The following ARB2A variants were observed in gnomAD, a reference collection of about 807,000 sequenced individuals.
ARB2A encodes cotranscriptional regulator ARB2A.
chr5:94,098,320 CA>C, the ARB2A span, among the ~76,000 whole-genome samples: 1 of 152,108 alleles, frequency 6.6e-6, no homozygotes, highest in South Asian at 2.1e-4. Context: ...TATAAGTCAA[CA>C]CAATGAAAAT....
At chr5:93,866,026 CG>C in the ARB2A span, 1 of 984,468 alleles carries the variant, frequency 1.0e-6, no homozygotes, top group South Asian at 4.7e-5. Flanking sequence ...AGAGAAAAAA[CG>C]TTGCTAAATA....
chr5:93,685,584 A>C, the ARB2A span, among the ~76,000 whole-genome samples: 9 of 152,230 alleles, frequency 5.9e-5, 1 homozygote, highest in Non-Finnish European at 1.2e-4. Flanking sequence ...CTGATTCTCT[A>C]AGTGAGTGGT....
the ARB2A span, among the ~76,000 whole-genome samples, chr5:93,942,977 CTACA>C: frequency 6.6e-6 from 1 of 152,000 alleles, no homozygotes. Flanking sequence ...TTTTTAATAA[CTACA>C]TAGTCTTCCA....
At chr5:94,082,090 T>C in the ARB2A span, among the ~76,000 whole-genome samples, 4 of 152,168 alleles carry the variant, frequency 2.6e-5, no homozygotes, top group Non-Finnish European at 5.9e-5. Flanking sequence ...GAGCATTATA[T>C]AAAGATTTTG....
chr5:93,837,945 A>C, the ARB2A span, among the ~76,000 whole-genome samples: 2 of 151,978 alleles, frequency 1.3e-5, no homozygotes, highest in Non-Finnish European at 2.9e-5. Flanking sequence ...TATTTTTCCT[A>C]TTCTATAGAT....
the ARB2A span, among the ~76,000 whole-genome samples, chr5:93,886,950 T>G: frequency 6.6e-6 from 1 of 151,768 alleles, no homozygotes; most frequent in East Asian, 1.9e-4. Flanking sequence ...CAGTTAAGTT[T>G]CCAACTTCAA....
chr5:93,703,172 A>G, the ARB2A span, among the ~76,000 whole-genome samples: 1 of 152,196 alleles, frequency 6.6e-6, no homozygotes, highest in Non-Finnish European at 1.5e-5. Flanking sequence ...TATATTTGTA[A>G]GTATACAATA....
the ARB2A span, among the ~76,000 whole-genome samples, chr5:93,893,104 A>T: frequency 1.4e-4 from 22 of 152,258 alleles, no homozygotes; most frequent in African/African-American, 5.3e-4. Flanking sequence ...CTGTCTGATT[A>T]AAAAATGCCA....
At chr5:93,625,452 G>T in the ARB2A span, among the ~76,000 whole-genome samples, 2 of 152,034 alleles carry the variant, frequency 1.3e-5, no homozygotes. Context: ...TCTTATCCTT[G>T]TACAGAGCAG....
the ARB2A span, among the ~76,000 whole-genome samples, chr5:93,826,041 A>T: frequency 6.6e-6 from 1 of 152,152 alleles, no homozygotes; most frequent in Non-Finnish European, 1.5e-5. Context: ...TAACTTGCTA[A>T]ACCCAAATAA....
chr5:93,990,905 A>G, the ARB2A span, among the ~76,000 whole-genome samples: 2 of 152,142 alleles, frequency 1.3e-5, no homozygotes, highest in Non-Finnish European at 2.9e-5. Context: ...GAGGAGCTCA[A>G]AGAGAATACT....
At chr5:93,841,225 C>T in the ARB2A span, among the ~76,000 whole-genome samples, 8 of 152,170 alleles carry the variant, frequency 5.3e-5, no homozygotes, top group African/African-American at 1.9e-4. Context: ...TCTGCATTAG[C>T]GGATTCAACC....
chr5:94,050,748 A>G, the ARB2A span: 2 of 1,605,524 alleles, frequency 1.2e-6, no homozygotes, highest in Non-Finnish European at 1.7e-6. Context: ...AGAGCCTCGT[A>G]TCTTTTCTGG....
the ARB2A span, among the ~76,000 whole-genome samples, chr5:93,775,970 G>C: frequency 2.0e-5 from 3 of 152,002 alleles, no homozygotes; most frequent in Non-Finnish European, 4.4e-5. Context: ...TGAGTTTGTT[G>C]GTAAGCATTT....
the ARB2A span, among the ~76,000 whole-genome samples, chr5:93,857,887 TG>T: frequency 0.013 from 1,990 of 152,326 alleles, 44 homozygotes; most frequent in African/African-American, 0.045. Context: ...TCGCTCATGC[TG>T]GGAGCTGTAG....
At chr5:94,065,388 C>A in the ARB2A span, among the ~76,000 whole-genome samples, 1 of 152,132 alleles carries the variant, frequency 6.6e-6, no homozygotes, top group East Asian at 1.9e-4. Context: ...GTGGCACATG[C>A]CTGTAGTCCC....
the ARB2A span, among the ~76,000 whole-genome samples, chr5:93,756,668 G>A: frequency 6.6e-6 from 1 of 152,118 alleles, no homozygotes; most frequent in East Asian, 1.9e-4. Flanking sequence ...CATAAGAAAA[G>A]GGGGAGAGTA....
the ARB2A span, among the ~76,000 whole-genome samples, chr5:93,766,596 G>A: frequency 1.3e-5 from 2 of 152,180 alleles, no homozygotes; most frequent in African/African-American, 2.4e-5. Flanking sequence ...TGGTGGGACT[G>A]TAAACTAGTT....
At chr5:94,020,719 A>C in the ARB2A span, among the ~76,000 whole-genome samples, 1 of 152,224 alleles carries the variant, frequency 6.6e-6, no homozygotes, top group Non-Finnish European at 1.5e-5. Context: ...ATTTAAATAG[A>C]GGCCTGAACC....
Sources: gnomAD v4.1 joint callset for allele counts (sites outside exome capture counted in the v4.1 genomes callset) on GRCh38, gnomAD v4.1.1 for gene constraint, MANE v1.5 for transcripts, NCBI Gene and HGNC (gene_info 2026-07-23, HGNC 2026-07-21) for gene names.